Variants in GON4L observed in about 807,000 individuals in gnomAD.
The protein encoded by GON4L is GON-4-like protein.
In GON4L, 87 loss-of-function variants were observed where a neutral mutation model predicts 211.8. The observed-to-expected ratio is 0.41, with a 90% CI of 0.35 to 0.49. The LOEUF is 0.49. Ranked by LOEUF, GON4L falls within the 20% of genes least tolerant of loss-of-function variation. The pLI is 0.15. For missense variants in GON4L, 2,155 were observed against 2,659.5 expected, an observed-to-expected ratio of 0.81 and a Z score of 4.17; for synonymous variants, 875 against 962.6, an observed-to-expected ratio of 0.91 and a Z score of 1.68.
Position 155,797,457 on chromosome 1 carries a change from C to CT in GON4L, c.1646-2307dup, listed in dbSNP as rs113199922. Among the ~76,000 whole-genome samples the CT allele has an allele frequency of 2.5e-3, 369 of 145,196 alleles. 2 individuals carry two copies. In the East Asian group the frequency reaches 0.027, roughly 11 times the overall value. On this transcript the variant is annotated intron_variant, in intron 11 of 31. Coordinates refer to ENST00000368331, the MANE Select transcript of GON4L (RefSeq NM_001282860.2). ...TTAACTTTTCATAATAAATGAGCAT[C>CT]TTTTTTTTTTTTCGAGAGGGAGTTT...
intron 1 of GON4L, among the ~76,000 whole-genome samples, chr1:155,856,862 G>C (rs1223430859): frequency 1.3e-5 from 2 of 149,888 alleles, no homozygotes; most frequent in Non-Finnish European, 2.9e-5. Flanking sequence ...CCACTTTTTT[G>C]GGAACCCAAG....
intron 10 of GON4L, among the ~76,000 whole-genome samples, chr1:155,806,796 T>A (rs1667167145): frequency 6.6e-6 from 1 of 152,158 alleles, no homozygotes. Context: ...GTTTCCACTG[T>A]GGGGCAATTA....
At chr1:155,805,966 G>T (rs1667086879) in intron 10 of GON4L, among the ~76,000 whole-genome samples, 1 of 148,074 alleles carries the variant, frequency 6.8e-6, no homozygotes, top group East Asian at 2.0e-4. Context: ...TCGGATTACA[G>T]CTGTGAGCCA....
rs763251081 is a variant in GON4L, at chr1:155,766,090, G to A, written c.3383C>T (p.Ser1128Phe). The A allele has an allele frequency of 1.8e-5, 29 of 1,614,044 alleles. No homozygotes were observed. The highest frequency in any genetic ancestry group is 2.2e-5 in the Non-Finnish European group (26 of 1,180,030). ...RPSKRRGVKA[S>F]PCMKPAPVIH... The stretch of plus-strand genomic sequence containing the variant: ...AACAGGGGCAGGTTTCATACAGGGA[G>A]AGGCCTTGACTCCTCTTCTCTTTGA... The change falls in exon 21 of 32, where the codon TCT (serine) becomes TTT (phenylalanine). Residue 1128 changes from serine to phenylalanine, a missense_variant. By Grantham distance (155) the Ser-to-Phe change is radical. This residue lies in a region of GON4L where 615 missense variants were observed against 625.7 expected (regional missense o/e 0.98). Transcript: ENST00000368331.
At chr1:155,855,214 G>A (rs1239229077) in intron 1 of GON4L, among the ~76,000 whole-genome samples, 1 of 152,116 alleles carries the variant, frequency 6.6e-6, no homozygotes, top group Non-Finnish European at 1.5e-5. Context: ...TGTTCTTTTA[G>A]TATCTGTTTG....
chr1:155,838,484 T>C (rs1317841150), intron 2 of GON4L, among the ~76,000 whole-genome samples: 4 of 152,070 alleles, frequency 2.6e-5, no homozygotes, highest in South Asian at 2.1e-4. Flanking sequence ...TTTTGTCTAA[T>C]ATAGTTCCAG....
intron 23 of GON4L, 76 bp from the exon 24 acceptor site, chr1:155,760,717 C>T: frequency 1.0e-6 from 1 of 986,718 alleles, no homozygotes. Context: ...AGGGAGAAGG[C>T]AGGGTTATGG....
rs796127306 is a variant in GON4L at position 155,838,824 on chromosome 1, A to G, written c.506-11796T>C. Among the ~76,000 whole-genome samples, 17 of 151,178 alleles carry G rather than the reference A, an allele frequency of 1.1e-4. 1 individual carries two copies. Among genetic ancestry groups the G allele is most frequent in the African/African-American group, 4.1e-4 (17 of 41,448 alleles). On this transcript the variant is annotated intron_variant, in intron 2 of 31. Transcript: ENST00000368331. Reference sequence around the variant, plus strand: ...TAATAATAATAAATTAGGTAAATATAATGAGATAAATGCTTATAAGTGAAC... The same window carrying G: ...TAATAATAATAAATTAGGTAAATATGATGAGATAAATGCTTATAAGTGAAC...
upstream of GON4L, among the ~76,000 whole-genome samples, chr1:155,858,956 A>T (rs1672483562): frequency 6.6e-6 from 1 of 151,872 alleles, no homozygotes; most frequent in Non-Finnish European, 1.5e-5. Context: ...TGGCCTCCCA[A>T]AGGTTTGGGA....
intron 13 of GON4L, chr1:155,784,442 G>T (rs1022695643): frequency 8.2e-6 from 2 of 243,484 alleles, no homozygotes; most frequent in African/African-American, 5.3e-5. Context: ...CTGGAGTGCA[G>T]TGGCACAATC....
intron 6 of GON4L, among the ~76,000 whole-genome samples, chr1:155,820,068 C>G (rs1668600896): frequency 6.6e-6 from 1 of 152,164 alleles, no homozygotes; most frequent in African/African-American, 2.4e-5. Flanking sequence ...CGCACACCAC[C>G]ACACCCAGCT....
chr1:155,777,997 A>G (rs1275948797), intron 14 of GON4L, among the ~76,000 whole-genome samples, 177 bp from the exon 15 acceptor site: 1 of 152,244 alleles, frequency 6.6e-6, no homozygotes, highest in Admixed American at 6.5e-5. Context: ...CAAAGTAGTT[A>G]GCATGCATCA....
chr1:155,747,959 G>C (rs770151266), downstream of GON4L: 5 of 1,570,046 alleles, frequency 3.2e-6, no homozygotes, highest in East Asian at 4.5e-5. Flanking sequence ...AATGCAAACT[G>C]GTTTTTTTCT....
intron 2 of GON4L, among the ~76,000 whole-genome samples, chr1:155,848,955 C>T (rs1210402681): frequency 1.4e-5 from 2 of 147,376 alleles, no homozygotes; most frequent in African/African-American, 5.1e-5. Flanking sequence ...CGAGACCAGG[C>T]TGGCCAACCT....
At chr1:155,787,759 C>A (rs1470845156) in intron 12 of GON4L, among the ~76,000 whole-genome samples, 1 of 151,230 alleles carries the variant, frequency 6.6e-6, no homozygotes, top group Non-Finnish European at 1.5e-5. Flanking sequence ...GGCAACAGGG[C>A]GAGGACTCCA....
rs1663659662 is a variant in GON4L at position 155,775,232 on chromosome 1, C to A, written c.2179-59G>T. 6 of 1,608,610 alleles carry A rather than the reference C, an allele frequency of 3.7e-6. No homozygotes were observed. In the South Asian group the frequency reaches 6.6e-5, roughly 18 times the overall value. On this transcript the variant is annotated intron_variant, in intron 16 of 31. Coordinates refer to ENST00000368331, the MANE Select transcript of GON4L (RefSeq NM_001282860.2). ...AATTCCAGACAATTAATACCAGTAGCCTTCAGAATCTAAATGAGAAGCTGA... is the reference window on the plus strand; with the variant it reads ...AATTCCAGACAATTAATACCAGTAGACTTCAGAATCTAAATGAGAAGCTGA...
chr1:155,804,136 T>A (rs1666930966), intron 11 of GON4L, among the ~76,000 whole-genome samples: 1 of 151,176 alleles, frequency 6.6e-6, no homozygotes, highest in Non-Finnish European at 1.5e-5. Flanking sequence ...TAATCCTAGC[T>A]CTCTGGGAGG....
intron 2 of GON4L, chr1:155,845,681 G>A (rs1671169484): frequency 3.3e-6 from 1 of 304,814 alleles, no homozygotes; most frequent in Non-Finnish European, 6.6e-6. Flanking sequence ...ACACAAGAAT[G>A]ACACTGCCTT....
chr1:155,823,874 C>T (rs1341939486), intron 3 of GON4L, among the ~76,000 whole-genome samples: 1 of 151,934 alleles, frequency 6.6e-6, no homozygotes, highest in East Asian at 1.9e-4. Flanking sequence ...GCCTGGGCGA[C>T]GGAGCAAGAT....
Sources: gnomAD v4.1 joint callset for allele counts (sites outside exome capture counted in the v4.1 genomes callset) on GRCh38, gnomAD v4.1.1 for gene constraint, gnomAD v4.1.1 regional missense constraint, MANE v1.5 for transcripts, NCBI Gene and HGNC (gene_info 2026-07-23, HGNC 2026-07-21) for gene names.